COG5: variants seen among roughly 807,000 people sequenced by gnomAD.
COG5 encodes the protein conserved oligomeric Golgi complex subunit 5.
COG5 carries 86 observed loss-of-function variants against 110.4 expected under a neutral mutation model. The ratio of observed to expected loss-of-function variants is 0.78; its 90% CI spans 0.65 to 0.93. The LOEUF (loss-of-function observed/expected upper bound fraction) is 0.93, where lower values mean the gene tolerates loss of function less well. COG5 is among the 40% of genes least tolerant of loss of function. The pLI is 0.00. For synonymous variants in COG5, 360 were observed against 334.6 expected (o/e 1.08, Z -0.83); for missense variants, 1,077 against 987.0 (o/e 1.09, Z -1.22).
chr7:107,254,053 G>T (rs1413680152), intron 16 of COG5, among the ~76,000 whole-genome samples: 1 of 151,916 alleles, frequency 6.6e-6, no homozygotes, highest in African/African-American at 2.4e-5. Context: ...CTTTCACTGT[G>T]TATCACTAAT....
intron 6 of COG5, among the ~76,000 whole-genome samples, chr7:107,521,125 C>T (rs1800292884): frequency 6.6e-6 from 1 of 152,158 alleles, no homozygotes; most frequent in African/African-American, 2.4e-5. Flanking sequence ...CTTCCTTATA[C>T]CTTATTCAAA....
At chr7:107,306,949 G>C (rs1488985515) in intron 11 of COG5, among the ~76,000 whole-genome samples, 1 of 152,008 alleles carries the variant, frequency 6.6e-6, no homozygotes, top group Non-Finnish European at 1.5e-5. Context: ...TGTTTCTTTT[G>C]TATTTTTAGC....
chr7:107,228,206 C>T (rs935646602), intron 19 of COG5, among the ~76,000 whole-genome samples: 9 of 147,684 alleles, frequency 6.1e-5, no homozygotes, highest in African/African-American at 7.5e-5. Flanking sequence ...GAGGCTGAGG[C>T]GGGAGGATCA....
At chr7:107,390,504 A>G (rs917979722) in intron 7 of COG5, among the ~76,000 whole-genome samples, 15 of 152,076 alleles carry the variant, frequency 9.9e-5, no homozygotes, top group African/African-American at 3.6e-4. Flanking sequence ...CATGGAATCA[A>G]TCAATCCACA....
chr7:107,230,891 G>C (rs1055012435), intron 18 of COG5, among the ~76,000 whole-genome samples, 200 bp from the exon 19 acceptor site: 2 of 149,864 alleles, frequency 1.3e-5, no homozygotes, highest in African/African-American at 2.5e-5. Context: ...GAGGGCCCAA[G>C]ATGAGACAAT....
chr7:107,302,082 C>G lies in COG5; in HGVS notation c.1109-3736G>C, dbSNP rs187551975. ...TATATATCTATATAAGGAATTGTAC[C>G]TGAACATTCACAGTATCTTTATTTG... On this transcript the variant is annotated intron_variant, in intron 11 of 21. Coordinates refer to ENST00000297135, the MANE Select transcript of COG5 (RefSeq NM_006348.5). Among the ~76,000 whole-genome samples the G allele has an allele frequency of 5.3e-5, 8 of 152,140 alleles. No homozygotes were observed. The East Asian group carries it at 1.5e-3, about 29-fold the overall frequency.
chr7:107,295,076 T>C (rs1277742872), intron 12 of COG5, among the ~76,000 whole-genome samples: 1,246 of 56,616 alleles, frequency 0.022, 26 homozygotes, highest in African/African-American at 0.093. Flanking sequence ...CATATATATA[T>C]ATATATATAT....
At chr7:107,244,774 T>A (rs756389792) in intron 17 of COG5, among the ~76,000 whole-genome samples, 4 of 152,126 alleles carry the variant, frequency 2.6e-5, no homozygotes. Flanking sequence ...CTGAACAGAC[T>A]AATAATGAGT....
At chr7:107,415,740 A>G (rs1393586728) in intron 6 of COG5, among the ~76,000 whole-genome samples, 5 of 149,100 alleles carry the variant, frequency 3.4e-5, no homozygotes, top group African/African-American at 1.2e-4. Flanking sequence ...ATGTATATAA[A>G]TACATGTATG....
rs56971368 is a variant in COG5, at chr7:107,270,882, C to CTTTTTTTTTTTTTTTTTTTTT, written c.1575+10397_1575+10417dup. ...TTATACTTCATTATCCTAACTAGAACTTTTTTTTTTTTTTTTTTTTTTTTT... is the reference window on the plus strand; with the variant it reads ...TTATACTTCATTATCCTAACTAGAACTTTTTTTTTTTTTTTTTTTTTTTTTTTTTTTTTTTTTTTTTTTTTT... On this transcript the variant is annotated intron_variant, in intron 14 of 21. Coordinates refer to ENST00000297135, the MANE Select transcript of COG5 (RefSeq NM_006348.5). Among the ~76,000 whole-genome samples, 4 of 68,726 alleles carry CTTTTTTTTTTTTTTTTTTTTT rather than the reference C, an allele frequency of 5.8e-5. 1 individual carries two copies. The highest frequency in any genetic ancestry group is 6.7e-5 in the African/African-American group (1 of 14,926). The allele number at this position is 68,726 out of a possible 152,430, so 45.1% of individuals were successfully genotyped here.
At chr7:107,358,918 T>C (rs989535485) in intron 10 of COG5, among the ~76,000 whole-genome samples, 2 of 152,136 alleles carry the variant, frequency 1.3e-5, no homozygotes, top group African/African-American at 4.8e-5. Flanking sequence ...GCATCTTTTT[T>C]TCCTTTTGCT....
intron 7 of COG5, among the ~76,000 whole-genome samples, chr7:107,393,862 G>A (rs139728496): frequency 1.5e-3 from 235 of 152,254 alleles, no homozygotes; most frequent in African/African-American, 5.4e-3. Context: ...AATTGTCACT[G>A]TAAGTTTCAA....
At chr7:107,509,062 G>C (rs1196069667) in intron 6 of COG5, among the ~76,000 whole-genome samples, 1 of 152,212 alleles carries the variant, frequency 6.6e-6, no homozygotes, top group East Asian at 1.9e-4. Context: ...ACTTTGACGT[G>C]TTGAGAGAAG....
Position 107,201,489 on chromosome 7 carries a change from A to AGACTT in COG5, c.*2022_*2026dup. ...GCATATACATTGACTCTTGATGGAA[A>AGACTT]GACTTAAGAAGATCAAGGTCTCACC... On this transcript the variant is annotated 3_prime_UTR_variant, in exon 22 of 22. Coordinates refer to ENST00000297135, the MANE Select transcript of COG5 (RefSeq NM_006348.5). The AGACTT allele has an allele frequency of 9.4e-7, 1 of 1,061,460 alleles. No homozygotes were observed. The highest frequency in any genetic ancestry group is 1.3e-5 in the South Asian group (1 of 75,550). 65.8% of individuals were successfully genotyped at this position (1,061,460 alleles called of 1,614,324 possible).
At chr7:107,503,071 T>G (rs1002950981) in intron 6 of COG5, among the ~76,000 whole-genome samples, 1 of 152,198 alleles carries the variant, frequency 6.6e-6, no homozygotes, top group Non-Finnish European at 1.5e-5. Context: ...CATGAATACT[T>G]TGTCTAGGCC....
chr7:107,224,586 C>T (rs1800185009), intron 19 of COG5, among the ~76,000 whole-genome samples: 1 of 152,220 alleles, frequency 6.6e-6, no homozygotes, highest in African/African-American at 2.4e-5. Flanking sequence ...AGGGTCTGTG[C>T]CCCTGAGCTG....
chr7:107,397,825 A>G (rs144929033), intron 7 of COG5, among the ~76,000 whole-genome samples: 252 of 152,302 alleles, frequency 1.7e-3, no homozygotes, highest in African/African-American at 5.7e-3. Flanking sequence ...TTAGGCAGAA[A>G]TCGTTGATAT....
Position 107,284,538 on chromosome 7 carries a change from A to C in COG5, c.1314-806T>G, listed in dbSNP as rs553060895. 4.5e-4 allele frequency among the ~76,000 whole-genome samples: 69 copies of C among 152,282 alleles called. 1 individual carries two copies. The highest frequency in any genetic ancestry group is 1.6e-3 in the African/African-American group (68 of 41,564). On this transcript the variant is annotated intron_variant, in intron 12 of 21. Coordinates refer to ENST00000297135, the MANE Select transcript of COG5 (RefSeq NM_006348.5). ...TTACATTTTCCATTTTTGTGTTACT[A>C]ACAAGAGTGAGACAAAATAAAAAGT...
chr7:107,379,183 C>T (rs911812985), intron 7 of COG5, among the ~76,000 whole-genome samples: 3 of 151,950 alleles, frequency 2.0e-5, no homozygotes, highest in African/African-American at 4.8e-5. Context: ...GCTTCATAAG[C>T]GAAGGAGAAA....
Sources: allele counts gnomAD v4.1 joint callset (sites outside exome capture counted in the v4.1 genomes callset), GRCh38; gene constraint gnomAD v4.1.1; transcripts MANE v1.5; gene names NCBI Gene and HGNC (gene_info 2026-07-23, HGNC 2026-07-21).